Variants in NRXN1 observed in about 807,000 individuals in gnomAD.
NRXN1 encodes the protein neurexin-1.
NRXN1 carries 39 observed loss-of-function variants against 150.9 expected under a neutral mutation model. The ratio of observed to expected loss-of-function variants is 0.26; its 90% CI spans 0.20 to 0.34. NRXN1 has a LOEUF of 0.34. NRXN1 is among the 10% of genes least tolerant of loss of function. NRXN1 has a pLI of 1.00. For missense variants in NRXN1, 1,815 were observed against 1,949.9 expected (o/e 0.93, Z 1.30); for synonymous variants, 924 against 757.0 (o/e 1.22, Z -3.62).
chr2:49,941,907 G>A (rs757102845), intron 22 of NRXN1, among the ~76,000 whole-genome samples: 39 of 152,286 alleles, frequency 2.6e-4, no homozygotes, highest in Non-Finnish European at 5.3e-4. Flanking sequence ...TGTGAGCGTA[G>A]AAGAAATGGG....
rs571683956 is a variant in NRXN1 at position 50,319,989 on chromosome 2, T to C, written c.3365-83019A>G. On this transcript the variant is annotated intron_variant, in intron 17 of 22. Coordinates refer to ENST00000401669, the MANE Select transcript of NRXN1 (RefSeq NM_001330078.2). The stretch of plus-strand genomic sequence containing the variant: ...TTTTTACCCAGAGGGTAAAGCACTA[T>C]AGCAACAAGAGGTACACAGGTAAAG... Among the ~76,000 whole-genome samples the C allele has an allele frequency of 2.1e-3, 317 of 151,910 alleles. 3 individuals carry two copies. Among genetic ancestry groups the C allele is most frequent in the African/African-American group, 6.5e-3 (270 of 41,454 alleles).
At chr2:50,325,275 C>A (rs138288994) in intron 17 of NRXN1, among the ~76,000 whole-genome samples, 3 of 152,262 alleles carry the variant, frequency 2.0e-5, no homozygotes, top group African/African-American at 7.2e-5. Context: ...GTTCCCTGTG[C>A]TGAAAAGACC....
At chr2:50,918,989 T>C (rs551504918) in intron 5 of NRXN1, 18 of 143,472 alleles carry the variant, frequency 1.3e-4, no homozygotes, top group African/African-American at 4.2e-4. Context: ...CCATATCCAG[T>C]TAAAGGTGAC....
At chr2:50,765,820 C>A (rs1422751797) in intron 5 of NRXN1, among the ~76,000 whole-genome samples, 4 of 152,016 alleles carry the variant, frequency 2.6e-5, no homozygotes, top group Non-Finnish European at 5.9e-5. Context: ...AGAAGCTCAA[C>A]AGAGCTGAAT....
At chr2:49,925,239 A>G (rs892648659) in intron 22 of NRXN1, among the ~76,000 whole-genome samples, 4 of 150,150 alleles carry the variant, frequency 2.7e-5, no homozygotes, top group African/African-American at 9.9e-5. Context: ...GCGATCGCAC[A>G]CTACACTCCA....
chr2:50,417,365 G>C (rs933372416), intron 17 of NRXN1: 2 of 152,140 alleles, frequency 1.3e-5, no homozygotes, highest in Non-Finnish European at 1.5e-5. Context: ...AGGGGCAGCA[G>C]AGTAACTTTT....
chr2:50,910,877 C>T (rs1310545532), intron 5 of NRXN1, among the ~76,000 whole-genome samples: 1 of 151,794 alleles, frequency 6.6e-6, no homozygotes, highest in African/African-American at 2.4e-5. Context: ...ATCAGCCATG[C>T]CAAATGTGCT....
intron 17 of NRXN1, among the ~76,000 whole-genome samples, chr2:50,262,013 T>C (rs897003647): frequency 2.6e-5 from 4 of 151,876 alleles, no homozygotes; most frequent in African/African-American, 9.7e-5. Context: ...AAAATGTCAC[T>C]CCACCAAAGC....
chr2:50,011,819 T>A (rs1042396127), intron 21 of NRXN1, among the ~76,000 whole-genome samples: 5 of 151,964 alleles, frequency 3.3e-5, no homozygotes, highest in Admixed American at 3.3e-4. Flanking sequence ...CATAGAAAAT[T>A]GGAGATAGGT....
intron 5 of NRXN1, among the ~76,000 whole-genome samples, chr2:50,636,624 C>A (rs1046802824): frequency 6.6e-6 from 1 of 152,164 alleles, no homozygotes; most frequent in African/African-American, 2.4e-5. Context: ...TTAAAAGGAA[C>A]TTCCCATAGC....
intron 5 of NRXN1, among the ~76,000 whole-genome samples, chr2:50,683,055 G>C (rs1690645870): frequency 6.6e-6 from 1 of 152,028 alleles, no homozygotes; most frequent in Admixed American, 6.6e-5. Flanking sequence ...ATATATAGAG[G>C]AAGCAACACT....
intron 5 of NRXN1, among the ~76,000 whole-genome samples, chr2:50,777,413 A>G (rs1703796801): frequency 1.3e-5 from 2 of 152,136 alleles, no homozygotes; most frequent in African/African-American, 4.8e-5. Context: ...AGTCTTTTGC[A>G]AGACAGTTGA....
At chr2:50,656,303 C>A in intron 5 of NRXN1, 1 of 736,766 alleles carries the variant, frequency 1.4e-6, no homozygotes, top group Non-Finnish European at 2.5e-6. Context: ...TTTAAAGTTA[C>A]GTATCAATTT....
At chr2:50,137,092 A>AT (rs542620332) in intron 18 of NRXN1, among the ~76,000 whole-genome samples, 39 of 151,690 alleles carry the variant, frequency 2.6e-4, no homozygotes, top group African/African-American at 6.5e-4. Context: ...AACCAAGTAG[A>AT]TTTTTTTTTA....
chr2:50,985,077 A>C (rs1018847685), intron 2 of NRXN1, among the ~76,000 whole-genome samples: 2 of 152,030 alleles, frequency 1.3e-5, no homozygotes, highest in African/African-American at 4.8e-5. Context: ...CTAGAAAACA[A>C]ATGACAGATT....
intron 17 of NRXN1, among the ~76,000 whole-genome samples, chr2:50,455,613 T>A (rs2104567222): frequency 6.6e-6 from 1 of 152,276 alleles, no homozygotes; most frequent in Non-Finnish European, 1.5e-5. Flanking sequence ...GGAAATGGTA[T>A]TTCTCTGACA....
intron 18 of NRXN1, among the ~76,000 whole-genome samples, chr2:50,219,975 AATATATATATTATATATAATATATATT>A (rs2063739160): frequency 3.9e-5 from 1 of 25,754 alleles, no homozygotes; most frequent in Non-Finnish European, 6.8e-5. Context: ...ATATATATAT[AATATATATATTATATATAATATATATT>A]ATATAATATA....
intron 17 of NRXN1, among the ~76,000 whole-genome samples, chr2:50,456,141 C>T (rs1198181448): frequency 6.6e-6 from 1 of 152,146 alleles, no homozygotes. Flanking sequence ...TTTCCACTGT[C>T]TCCTTCAAAT....
intron 17 of NRXN1, among the ~76,000 whole-genome samples, chr2:50,263,936 C>G (rs541706175): frequency 6.6e-6 from 1 of 152,160 alleles, no homozygotes; most frequent in South Asian, 2.1e-4. Flanking sequence ...CAAGTGACAT[C>G]GTGTGAAATC....
Sources: gnomAD v4.1 joint callset for allele counts (sites outside exome capture counted in the v4.1 genomes callset) on GRCh38, gnomAD v4.1.1 for gene constraint, MANE v1.5 for transcripts, NCBI Gene and HGNC (gene_info 2026-07-23, HGNC 2026-07-21) for gene names.